The following ZFAT variants were observed in gnomAD, a reference collection of about 807,000 sequenced individuals.
ZFAT encodes zinc finger protein ZFAT.
In ZFAT, 64 loss-of-function variants were observed where a neutral mutation model predicts 117.7. The ratio of observed to expected loss-of-function variants is 0.54; its 90% CI spans 0.44 to 0.67. ZFAT has a LOEUF of 0.67. Ranked by LOEUF, ZFAT falls within the 30% of genes least tolerant of loss-of-function variation. ZFAT has a pLI of 0.00. For missense variants in ZFAT, 1,433 were observed against 1,584.5 expected, an observed-to-expected ratio of 0.90 and a Z score of 1.62; for synonymous variants, 679 against 615.0, an observed-to-expected ratio of 1.10 and a Z score of -1.54.
chr8:134,744,243 A>AGGCTGTTGTTCTTGCT, the ZFAT span, among the ~76,000 whole-genome samples: 2 of 150,930 alleles, frequency 1.3e-5, no homozygotes, highest in Non-Finnish European at 2.9e-5. Context: ...ATCTTTTTGC[A>AGGCTGTTGTTCTTGCT]GGCTGTTGTT....
chr8:134,701,398 C>T (rs1403317611), intron 1 of ZFAT, among the ~76,000 whole-genome samples: 1 of 152,218 alleles, frequency 6.6e-6, no homozygotes, highest in Non-Finnish European at 1.5e-5. Context: ...GTATACATTA[C>T]ATTTTGCTTA....
At chr8:134,562,739 T>C (rs1284255415) in intron 11 of ZFAT, among the ~76,000 whole-genome samples, 1 of 152,192 alleles carries the variant, frequency 6.6e-6, no homozygotes, top group African/African-American at 2.4e-5. Flanking sequence ...AACTATGTAA[T>C]GGCAGAAGTT....
the ZFAT span, among the ~76,000 whole-genome samples, chr8:134,726,658 G>T: frequency 1.3e-5 from 2 of 152,058 alleles, no homozygotes; most frequent in Admixed American, 1.3e-4. Flanking sequence ...GCAGTGCTGC[G>T]ATCTCAGCTC....
chr8:134,822,856 G>A, the ZFAT span, among the ~76,000 whole-genome samples: 50 of 152,080 alleles, frequency 3.3e-4, no homozygotes, highest in African/African-American at 1.2e-3. Flanking sequence ...ATTAAAAAGC[G>A]GCTTCATTGA....
chr8:134,570,297 G>A (rs947496655), intron 10 of ZFAT, among the ~76,000 whole-genome samples: 1 of 151,946 alleles, frequency 6.6e-6, no homozygotes, highest in Non-Finnish European at 1.5e-5. Flanking sequence ...GCATTTCTCA[G>A]CCTATATTTT....
intron 1 of ZFAT, among the ~76,000 whole-genome samples, chr8:134,695,772 C>A (rs1833803981): frequency 6.7e-6 from 1 of 148,986 alleles, no homozygotes; most frequent in Non-Finnish European, 1.5e-5. Flanking sequence ...ACCCCCTAGG[C>A]CTCGGCCATC....
chr8:134,763,994 G>C, the ZFAT span, among the ~76,000 whole-genome samples: 32 of 152,212 alleles, frequency 2.1e-4, no homozygotes, highest in Non-Finnish European at 4.1e-4. Context: ...TCTAAGCCTT[G>C]TTATACTGAT....
chr8:134,625,194 C>T (rs953430609), intron 3 of ZFAT, among the ~76,000 whole-genome samples: 1 of 152,246 alleles, frequency 6.6e-6, no homozygotes, highest in African/African-American at 2.4e-5. Flanking sequence ...AGGCAGGCAC[C>T]TGCTTCCAGC....
intron 1 of ZFAT, among the ~76,000 whole-genome samples, chr8:134,693,018 G>C (rs1053209864): frequency 3.0e-4 from 45 of 152,340 alleles, no homozygotes; most frequent in African/African-American, 1.1e-3. Flanking sequence ...TGATTTTTAA[G>C]AGGGAAATAC....
At chr8:134,531,026 GTC>G (rs1457552987) in intron 12 of ZFAT, among the ~76,000 whole-genome samples, 2 of 152,156 alleles carry the variant, frequency 1.3e-5, no homozygotes, top group Non-Finnish European at 2.9e-5. Context: ...ATCTGTGTGT[GTC>G]TGTGTGTGTA....
chr8:134,712,723 C>CCGGCGGG (rs1296495639), intron 1 of ZFAT, 122 bp downstream of exon 1: 5 of 728,816 alleles, frequency 6.9e-6, no homozygotes, highest in Non-Finnish European at 9.6e-6. Context: ...CCCTCCGCGG[C>CCGGCGGG]CGGCGGCCGG....
At chr8:134,797,165 T>C in the ZFAT span, 2 of 152,178 alleles carry the variant, frequency 1.3e-5, no homozygotes, top group South Asian at 4.1e-4. Context: ...AAACAGGAGA[T>C]AATTTTTTGT....
chr8:134,657,148 T>C (rs968816936), intron 2 of ZFAT, among the ~76,000 whole-genome samples: 1 of 152,224 alleles, frequency 6.6e-6, no homozygotes, highest in Non-Finnish European at 1.5e-5. Flanking sequence ...CCTGTAGGCA[T>C]ATTCTTTAAC....
At chr8:134,528,917 G>A (rs1007190206) in intron 12 of ZFAT, among the ~76,000 whole-genome samples, 1 of 152,220 alleles carries the variant, frequency 6.6e-6, no homozygotes, top group Non-Finnish European at 1.5e-5. Flanking sequence ...AGGCGCTTGA[G>A]AGATACATGC....
Position 134,602,149 on chromosome 8 carries a change from C to A in ZFAT, c.1570G>T (p.Ala524Ser), listed in dbSNP as rs1239590042. ...TTGAGTGCATTCACGCCCTGGAGGG[C>A]AAACTCCTCTTCCACCAGCTGTAGC... Reference protein sequence around the residue: ...DQLQLVEEEFALQGVNALKEE... With the variant: ...DQLQLVEEEFSLQGVNALKEE... The change falls in exon 6 of 16, where the codon GCC becomes TCC. Residue 524 changes from alanine to serine, a missense_variant. Physicochemically the swap from Ala to Ser is moderately conservative, Grantham distance 99 (BLOSUM62 1). Transcript: ENST00000377838. The A allele has an allele frequency of 5.0e-6, 8 of 1,613,338 alleles. No individual in the cohort carries two copies. The highest frequency in any genetic ancestry group is 6.8e-6 in the Non-Finnish European group (8 of 1,179,936).
chr8:134,691,119 G>A (rs1586957499), intron 1 of ZFAT, among the ~76,000 whole-genome samples: 2 of 152,244 alleles, frequency 1.3e-5, no homozygotes, highest in Admixed American at 1.3e-4. Context: ...TCGATGCAGA[G>A]GCATCACTGT....
intron 13 of ZFAT, among the ~76,000 whole-genome samples, chr8:134,513,344 C>T (rs1820002871): frequency 1.3e-5 from 2 of 152,052 alleles, no homozygotes; most frequent in African/African-American, 2.4e-5. Context: ...ATTACAGGCA[C>T]GCACCACCAC....
At chr8:134,519,948 A>T (rs1428707137) in intron 13 of ZFAT, among the ~76,000 whole-genome samples, 2 of 152,148 alleles carry the variant, frequency 1.3e-5, no homozygotes, top group East Asian at 3.8e-4. Flanking sequence ...ATTATAATGG[A>T]TGTTAACATG....
intron 3 of ZFAT, among the ~76,000 whole-genome samples, chr8:134,613,865 A>T (rs541077345): frequency 1.3e-5 from 2 of 152,268 alleles, no homozygotes; most frequent in African/African-American, 4.8e-5. Context: ...GTGAAAGACC[A>T]TGATAATGCC....
Sources: gnomAD v4.1 joint callset for allele counts (sites outside exome capture counted in the v4.1 genomes callset) on GRCh38, gnomAD v4.1.1 for gene constraint, MANE v1.5 for transcripts, NCBI Gene and HGNC (gene_info 2026-07-23, HGNC 2026-07-21) for gene names.